KCNU1: variants seen among roughly 807,000 people sequenced by gnomAD.
KCNU1 encodes potassium calcium-activated channel subfamily U member 1.
Under a neutral mutation model 126.8 loss-of-function variants are expected in KCNU1, and 93 were observed. The ratio of observed to expected loss-of-function variants is 0.73; its 90% CI spans 0.62 to 0.87. The LOEUF is 0.87. Ranked by LOEUF, KCNU1 falls within the 40% of genes least tolerant of loss-of-function variation. The probability of loss-of-function intolerance (pLI) is 0.00; values close to 1 mark genes in which losing one functional copy is unlikely to be tolerated. For synonymous variants in KCNU1, 523 were observed against 494.2 expected, an observed-to-expected ratio of 1.06 and a Z score of -0.77; for missense variants, 1,330 against 1,367.1, an observed-to-expected ratio of 0.97 and a Z score of 0.43.
intron 10 of KCNU1, among the ~76,000 whole-genome samples, chr8:36,832,392 G>A (rs533999479): frequency 1.2e-4 from 19 of 152,278 alleles, no homozygotes; most frequent in African/African-American, 4.1e-4. Context: ...CTACCCATGA[G>A]CATGAAACCA....
At chr8:36,915,344 G>A (rs1808056950) in intron 22 of KCNU1, among the ~76,000 whole-genome samples, 1 of 152,204 alleles carries the variant, frequency 6.6e-6, no homozygotes, top group Admixed American at 6.5e-5. Flanking sequence ...AGGCTGTGAA[G>A]CCACTTCCAT....
At chr8:36,824,844 G>A (rs1189577933) in intron 10 of KCNU1, among the ~76,000 whole-genome samples, 1 of 152,010 alleles carries the variant, frequency 6.6e-6, no homozygotes, top group Admixed American at 6.6e-5. Context: ...TTGCTGTGTA[G>A]ACAATATTCT....
At chr8:36,832,289 C>T (rs757153472) in intron 10 of KCNU1, among the ~76,000 whole-genome samples, 3 of 152,108 alleles carry the variant, frequency 2.0e-5, no homozygotes, top group Non-Finnish European at 2.9e-5. Context: ...TTTTCCAATT[C>T]TGTGAAGAAA....
At position 36,935,566 on chromosome 8, in the gene KCNU1, T is replaced by A. The variant is rs778445070; in HGVS notation, c.3096T>A (p.Leu1032=). 8.1e-6 allele frequency: 13 copies of A among 1,612,610 alleles called. No homozygotes were observed. The South Asian group carries it at 1.4e-4, about 18-fold the overall frequency. The change falls in exon 27 of 27, where the codon CTT becomes CTA. Residue 1032 remains leucine, a synonymous_variant. Coordinates refer to ENST00000399881, the MANE Select transcript of KCNU1 (RefSeq NM_001031836.3). ...ANEFKLLPSD[L]VFCAIPFSTA... ...AGTTCAAGCTGCTGCCTTCAGATCT[T>A]GTGTTTTGTGCCATACCCTTCAGCA...
intron 2 of KCNU1, among the ~76,000 whole-genome samples, chr8:36,799,234 C>T (rs1803213701): frequency 6.6e-6 from 1 of 152,172 alleles, no homozygotes; most frequent in African/African-American, 2.4e-5. Context: ...GTCAGTCTTA[C>T]TCTCTTTAGT....
intron 10 of KCNU1, among the ~76,000 whole-genome samples, chr8:36,823,317 T>C (rs552573907): frequency 6.6e-6 from 1 of 152,322 alleles, no homozygotes; most frequent in East Asian, 1.9e-4. Flanking sequence ...CTGCTTTCAG[T>C]TCTTTCAGAC....
intron 19 of KCNU1, among the ~76,000 whole-genome samples, chr8:36,888,230 C>A (rs538467480): frequency 1.3e-5 from 2 of 151,952 alleles, no homozygotes; most frequent in Non-Finnish European, 2.9e-5. Context: ...CATGGAACAA[C>A]GAATGGACAA....
chr8:36,801,688 A>C (rs1803312858), intron 2 of KCNU1, among the ~76,000 whole-genome samples: 1 of 152,102 alleles, frequency 6.6e-6, no homozygotes, highest in Admixed American at 6.5e-5. Context: ...GTATATATAC[A>C]CACACATATA....
intron 11 of KCNU1, 84 bp downstream of exon 11, chr8:36,833,743 G>T (rs1804646716): frequency 2.6e-6 from 2 of 764,716 alleles, no homozygotes. Context: ...TTTAAAAAAG[G>T]TATTATTTCA....
intron 19 of KCNU1, among the ~76,000 whole-genome samples, chr8:36,871,454 G>A (rs1374965847): frequency 1.3e-5 from 2 of 151,738 alleles, no homozygotes; most frequent in African/African-American, 2.4e-5. Context: ...GGTATGTATT[G>A]AATAATCTGA....
chr8:36,891,125 T>C (rs1476352676), intron 19 of KCNU1, among the ~76,000 whole-genome samples: 2 of 152,126 alleles, frequency 1.3e-5, no homozygotes, highest in East Asian at 3.9e-4. Flanking sequence ...ATTCCACCAT[T>C]ACTGCCTTAT....
chr8:36,921,331 G>A (rs910833996), intron 23 of KCNU1, among the ~76,000 whole-genome samples: 1 of 152,094 alleles, frequency 6.6e-6, no homozygotes, highest in African/African-American at 2.4e-5. Flanking sequence ...TTTAAAACAG[G>A]CAGTAAGCAT....
In KCNU1 at chr8:36,935,849, A is replaced by T. The variant is rs2117630081; in HGVS notation, c.3379A>T (p.Lys1127Ter). 2 of 1,612,120 alleles carry T rather than the reference A, an allele frequency of 1.2e-6. No homozygotes were observed. The highest frequency in any genetic ancestry group is 8.5e-7 in the Non-Finnish European group (1 of 1,179,134). ...TCAGATACCTTTAGGTGACAATGCA[A>T]AAGAAAATGAAAGGAAAACTTCAGA... ...SSQIPLGDNA[K>*]ENERKTSDEV... The change falls in exon 27 of 27, where the codon AAA becomes TAA. Residue 1127 changes from lysine to a stop codon, truncating the protein, a stop_gained. Coordinates refer to ENST00000399881, the MANE Select transcript of KCNU1 (RefSeq NM_001031836.3). LOFTEE classifies it low-confidence loss of function (END_TRUNC).
chr8:36,879,288 T>TTA (rs997034683), intron 19 of KCNU1, among the ~76,000 whole-genome samples: 15 of 139,290 alleles, frequency 1.1e-4, no homozygotes, highest in East Asian at 2.1e-4. Flanking sequence ...TATTTTTAGG[T>TTA]TATATATATA....
At chr8:36,795,864 G>C (rs1022923388) in intron 2 of KCNU1, 2 of 152,246 alleles carry the variant, frequency 1.3e-5, no homozygotes, top group African/African-American at 4.8e-5. Context: ...TTCAGGACCA[G>C]AGTTTCATCA....
At chr8:36,825,572 A>G (rs1185031562) in intron 10 of KCNU1, among the ~76,000 whole-genome samples, 2 of 152,192 alleles carry the variant, frequency 1.3e-5, no homozygotes, top group Non-Finnish European at 2.9e-5. Context: ...TTTAAGGAGT[A>G]AAAGTGCAGT....
chr8:36,788,931 A>G (rs1023818582), intron 2 of KCNU1, among the ~76,000 whole-genome samples: 1 of 152,218 alleles, frequency 6.6e-6, no homozygotes, highest in Non-Finnish European at 1.5e-5. Context: ...TGGGTGGGAA[A>G]GGAATGATGA....
intron 4 of KCNU1, among the ~76,000 whole-genome samples, chr8:36,805,948 G>A (rs963829224): frequency 2.0e-5 from 3 of 152,078 alleles, no homozygotes; most frequent in Non-Finnish European, 2.9e-5. Flanking sequence ...GGTTCCAGTG[G>A]TTCTCCTGCT....
chr8:36,908,528 C>G (rs903305293), intron 20 of KCNU1, among the ~76,000 whole-genome samples: 2 of 110,730 alleles, frequency 1.8e-5, no homozygotes, highest in African/African-American at 3.5e-5. Context: ...CCCCTCCCCC[C>G]ACCCCACGAC....
Sources: gnomAD v4.1 joint callset for allele counts (sites outside exome capture counted in the v4.1 genomes callset) on GRCh38, gnomAD v4.1.1 for gene constraint, MANE v1.5 for transcripts, NCBI Gene and HGNC (gene_info 2026-07-23, HGNC 2026-07-21) for gene names.